The following ENTREP2 variants were observed in gnomAD, a reference collection of about 807,000 sequenced individuals.
The protein encoded by ENTREP2 is protein ENTREP2.
At chr15:29,188,551 T>C in the ENTREP2 span, among the ~76,000 whole-genome samples, 272 of 152,252 alleles carry the variant, frequency 1.8e-3, 1 homozygote, top group African/African-American at 6.0e-3. Flanking sequence ...AGAATGATGG[T>C]TTCCAGCTTC....
chr15:29,513,339 A>T, the ENTREP2 span, among the ~76,000 whole-genome samples: 2 of 152,230 alleles, frequency 1.3e-5, no homozygotes, highest in African/African-American at 4.8e-5. Flanking sequence ...ATTAGGCTGC[A>T]TCAAAATATG....
chr15:29,149,880 G>A, the ENTREP2 span, among the ~76,000 whole-genome samples: 2 of 152,178 alleles, frequency 1.3e-5, no homozygotes, highest in Admixed American at 6.5e-5. Flanking sequence ...GCAGGAAGCC[G>A]GATATTTCTG....
chr15:29,381,706 C>T, the ENTREP2 span: 2 of 1,359,676 alleles, frequency 1.5e-6, no homozygotes, highest in Non-Finnish European at 2.0e-6. Flanking sequence ...GCCACTGCCT[C>T]CAACCTGCTC....
chr15:29,182,239 C>G, the ENTREP2 span, among the ~76,000 whole-genome samples: 2 of 151,880 alleles, frequency 1.3e-5, no homozygotes, highest in Admixed American at 1.3e-4. Flanking sequence ...ATTCTCCTGC[C>G]TCAGCCTCCC....
At chr15:29,257,480 T>C in the ENTREP2 span, among the ~76,000 whole-genome samples, 1 of 152,208 alleles carries the variant, frequency 6.6e-6, no homozygotes, top group Non-Finnish European at 1.5e-5. Context: ...TGTTCATATA[T>C]CTTTTTATAG....
the ENTREP2 span, among the ~76,000 whole-genome samples, chr15:29,431,392 T>C: frequency 6.6e-6 from 1 of 152,306 alleles, no homozygotes; most frequent in East Asian, 1.9e-4. Context: ...TCATTTTGAA[T>C]CTTGTACAAC....
chr15:29,378,899 T>C, the ENTREP2 span, among the ~76,000 whole-genome samples: 46,031 of 151,868 alleles, frequency 0.3, 7,655 homozygotes, highest in African/African-American at 0.45. Flanking sequence ...AGATTTTCCT[T>C]GCATCTATTG....
At chr15:29,428,107 A>G in the ENTREP2 span, among the ~76,000 whole-genome samples, 2 of 152,246 alleles carry the variant, frequency 1.3e-5, no homozygotes, top group Non-Finnish European at 2.9e-5. Context: ...AGAAATGTCT[A>G]AGAATCATTG....
At chr15:29,512,676 G>A in the ENTREP2 span, among the ~76,000 whole-genome samples, 1 of 152,200 alleles carries the variant, frequency 6.6e-6, no homozygotes, top group Non-Finnish European at 1.5e-5. Flanking sequence ...ACCAGGATAT[G>A]AGCCCTCACC....
At chr15:29,615,188 C>T in the ENTREP2 span, among the ~76,000 whole-genome samples, 1 of 151,588 alleles carries the variant, frequency 6.6e-6, no homozygotes, top group East Asian at 2.0e-4. Flanking sequence ...CGGAGTCTCC[C>T]TCCATTGCCC....
the ENTREP2 span, among the ~76,000 whole-genome samples, chr15:29,341,194 T>G: frequency 6.6e-6 from 1 of 152,226 alleles, no homozygotes; most frequent in Non-Finnish European, 1.5e-5. Context: ...GTGTCAGAGC[T>G]ACAACTAAAA....
chr15:29,196,437 G>C, the ENTREP2 span: 2 of 1,551,214 alleles, frequency 1.3e-6, no homozygotes, highest in Middle Eastern at 1.7e-4. Flanking sequence ...CACCTTCAAG[G>C]TCAGCCTCAC....
chr15:29,185,220 T>C, the ENTREP2 span, among the ~76,000 whole-genome samples: 1 of 151,954 alleles, frequency 6.6e-6, no homozygotes, highest in South Asian at 2.1e-4. Flanking sequence ...CTCAGAACAA[T>C]TGTGCTCCAC....
the ENTREP2 span, among the ~76,000 whole-genome samples, chr15:29,602,666 T>A: frequency 6.6e-6 from 1 of 152,082 alleles, no homozygotes; most frequent in African/African-American, 2.4e-5. Context: ...GCCTCCTGAG[T>A]AGCTGGGATT....
the ENTREP2 span, among the ~76,000 whole-genome samples, chr15:29,461,923 C>T: frequency 1.3e-5 from 2 of 152,084 alleles, no homozygotes; most frequent in South Asian, 2.1e-4. Context: ...CTAGCCCCGT[C>T]CCTGGCAACC....
At chr15:29,426,573 T>C in the ENTREP2 span, among the ~76,000 whole-genome samples, 4 of 152,194 alleles carry the variant, frequency 2.6e-5, no homozygotes, top group African/African-American at 4.8e-5. Flanking sequence ...AGTTGAAAAA[T>C]AGATCCCCCA....
chr15:29,323,888 C>G, the ENTREP2 span, among the ~76,000 whole-genome samples: 1 of 151,878 alleles, frequency 6.6e-6, no homozygotes, highest in Non-Finnish European at 1.5e-5. Flanking sequence ...TAGATATGAA[C>G]CAGTATTGTG....
chr15:29,376,417 CAAT>C, the ENTREP2 span: 51 of 151,918 alleles, frequency 3.4e-4, no homozygotes, highest in African/African-American at 1.2e-3. Flanking sequence ...GTAAGGAAGA[CAAT>C]GATCTCAATC....
the ENTREP2 span, among the ~76,000 whole-genome samples, chr15:29,393,544 G>A: frequency 6.6e-6 from 1 of 152,150 alleles, no homozygotes; most frequent in South Asian, 2.1e-4. Context: ...TTGTTTGGGA[G>A]TAGGGCAGTG....
Sources: allele counts gnomAD v4.1 joint callset (sites outside exome capture counted in the v4.1 genomes callset), GRCh38; gene constraint gnomAD v4.1.1; transcripts MANE v1.5; gene names NCBI Gene and HGNC (gene_info 2026-07-23, HGNC 2026-07-21).